Variants in TSC22D1 observed in about 807,000 individuals in gnomAD.
TSC22D1 encodes the protein TSC22 domain family protein 1.
Under a neutral mutation model 74.2 loss-of-function variants are expected in TSC22D1, and 9 were observed. The ratio of observed to expected loss-of-function variants is 0.12; its 90% CI spans 0.07 to 0.21. TSC22D1 has a LOEUF of 0.21. Ranked by LOEUF, TSC22D1 falls within the 10% of genes least tolerant of loss-of-function variation. TSC22D1 has a pLI of 1.00. For synonymous variants in TSC22D1, 586 were observed against 492.5 expected (o/e 1.19, Z -2.51); for missense variants, 1,427 against 1,304.7 (o/e 1.09, Z -1.44).
rs34720179 is a variant in TSC22D1, at chr13:44,445,328, C to CAA, written c.2913-9235_2913-9234dup. On this transcript the variant is annotated intron_variant, in intron 1 of 2. Coordinates refer to ENST00000458659, the MANE Select transcript of TSC22D1 (RefSeq NM_183422.4). ...TCAGCAAATGGTACTGGAACAACTG[C>CAA]AAAAAAAAAAAATACAACTGATCCA... 8.0e-3 allele frequency among the ~76,000 whole-genome samples: 1,138 copies of CAA among 141,792 alleles called. 6 individuals are homozygous for CAA. Among genetic ancestry groups the CAA allele is most frequent in the Non-Finnish European group, 0.011 (693 of 65,322 alleles). The allele number at this position is 141,792 out of a possible 152,430, so 93.0% of individuals were successfully genotyped here. A position where few individuals can be genotyped will look rare whatever the true frequency, so the allele number is the denominator to read the frequency against.
At chr13:44,553,045 T>C (rs1454107424) in intron 1 of TSC22D1, among the ~76,000 whole-genome samples, 1 of 152,174 alleles carries the variant, frequency 6.6e-6, no homozygotes, top group Non-Finnish European at 1.5e-5. Context: ...AAGGGAACTG[T>C]TACAGCAGAA....
At chr13:44,567,000 CAACTGTCCCTCCCTAATCCCAAGAAAA>C (rs2138221932) in intron 1 of TSC22D1, among the ~76,000 whole-genome samples, 1 of 152,194 alleles carries the variant, frequency 6.6e-6, no homozygotes, top group Non-Finnish European at 1.5e-5. Context: ...TACAGATTCC[CAACTGTCCCTCCCTAATCCCAAGAAAA>C]AAAAAGGAAT....
chr13:44,455,726 A>C (rs539720894), intron 1 of TSC22D1, among the ~76,000 whole-genome samples: 1 of 152,240 alleles, frequency 6.6e-6, no homozygotes, highest in South Asian at 2.1e-4. Flanking sequence ...TCGCATAGGG[A>C]ATCTATTACA....
intron 1 of TSC22D1, among the ~76,000 whole-genome samples, chr13:44,567,430 A>G (rs1883450472): frequency 6.6e-6 from 1 of 152,172 alleles, no homozygotes; most frequent in Admixed American, 6.6e-5. Context: ...AGGAAAGGCT[A>G]TAAGATGAAA....
chr13:44,470,633 G>C (rs1000964317), intron 1 of TSC22D1, among the ~76,000 whole-genome samples: 2 of 152,024 alleles, frequency 1.3e-5, no homozygotes. Context: ...AAATTTTAAG[G>C]CCTCATAGTT....
At chr13:44,475,126 T>A (rs1221849571) in intron 1 of TSC22D1, among the ~76,000 whole-genome samples, 2 of 152,004 alleles carry the variant, frequency 1.3e-5, no homozygotes, top group African/African-American at 4.8e-5. Context: ...AAAAGCAGAA[T>A]GGTATTAATT....
intron 1 of TSC22D1, among the ~76,000 whole-genome samples, chr13:44,531,165 T>C (rs1210976961): frequency 6.6e-6 from 1 of 152,152 alleles, no homozygotes; most frequent in Non-Finnish European, 1.5e-5. Flanking sequence ...TTATAACAAA[T>C]ATAACACACT....
intron 1 of TSC22D1, among the ~76,000 whole-genome samples, chr13:44,549,333 T>C (rs1020736264): frequency 6.6e-5 from 10 of 152,230 alleles, no homozygotes; most frequent in African/African-American, 2.4e-4. Flanking sequence ...AGAACACATC[T>C]ACTTACAAAT....
At chr13:44,572,282 G>C (rs1883821009) in intron 1 of TSC22D1, among the ~76,000 whole-genome samples, 2 of 152,070 alleles carry the variant, frequency 1.3e-5, no homozygotes, top group Admixed American at 1.3e-4. Context: ...AAGCGTTACT[G>C]GCATATTATT....
At chr13:44,534,075 A>G (rs1037635214) in intron 1 of TSC22D1, among the ~76,000 whole-genome samples, 4 of 151,986 alleles carry the variant, frequency 2.6e-5, no homozygotes, top group African/African-American at 9.7e-5. Context: ...AAAACATACA[A>G]AAATTAGCTG....
chr13:44,471,144 T>A (rs1231612736), intron 1 of TSC22D1, among the ~76,000 whole-genome samples: 1 of 152,186 alleles, frequency 6.6e-6, no homozygotes, highest in African/African-American at 2.4e-5. Context: ...ATCTACAAAA[T>A]ACAATCCTGC....
At position 44,546,749 on chromosome 13, in the gene TSC22D1, C is replaced by CGTGTGTGTGTGTGTGTGTGTGTGTGT. The variant is rs58111185; in HGVS notation, c.2912+26388_2912+26413dup. On this transcript the variant is annotated intron_variant, in intron 1 of 2. Transcript: ENST00000458659. ...GTATATGGGAATTCTGTGTGAAATA[C>CGTGTGTGTGTGTGTGTGTGTGTGTGT]GTGTGTGTGTGTGTGTGTGTGTGTG... 7.1e-3 allele frequency among the ~76,000 whole-genome samples: 1,035 copies of CGTGTGTGTGTGTGTGTGTGTGTGTGT among 146,682 alleles called. 10 individuals are homozygous for CGTGTGTGTGTGTGTGTGTGTGTGTGT. Among genetic ancestry groups the CGTGTGTGTGTGTGTGTGTGTGTGTGT allele is most frequent in the Non-Finnish European group, 0.01 (680 of 66,214 alleles).
intron 1 of TSC22D1, among the ~76,000 whole-genome samples, chr13:44,467,775 G>C (rs1163533648): frequency 2.6e-5 from 4 of 152,088 alleles, no homozygotes; most frequent in Non-Finnish European, 5.9e-5. Context: ...CAGTGAAAAG[G>C]GAACATTTAT....
intron 1 of TSC22D1, among the ~76,000 whole-genome samples, chr13:44,466,210 G>A (rs1270099777): frequency 6.6e-6 from 1 of 152,170 alleles, no homozygotes; most frequent in Non-Finnish European, 1.5e-5. Context: ...CGATCCTCAA[G>A]AAGCTAGGGA....
chr13:44,546,822 G>A (rs553606498), intron 1 of TSC22D1, among the ~76,000 whole-genome samples: 106 of 151,164 alleles, frequency 7.0e-4, no homozygotes, highest in Non-Finnish European at 1.3e-3. Flanking sequence ...GCCCAGGCTA[G>A]GATGCGCTGA....
intron 1 of TSC22D1, chr13:44,437,004 T>C: frequency 1.2e-6 from 1 of 859,122 alleles, no homozygotes; most frequent in East Asian, 1.4e-4. Context: ...TCCGCCCCCA[T>C]TCTCCAGATC....
At chr13:44,443,322 C>G (rs1374537186) in intron 1 of TSC22D1, among the ~76,000 whole-genome samples, 1 of 150,254 alleles carries the variant, frequency 6.7e-6, no homozygotes, top group Non-Finnish European at 1.5e-5. Flanking sequence ...AAAAAAAAAC[C>G]TGTCAATCTG....
At chr13:44,550,390 TG>T (rs1310361419) in intron 1 of TSC22D1, among the ~76,000 whole-genome samples, 1 of 152,056 alleles carries the variant, frequency 6.6e-6, no homozygotes, top group Non-Finnish European at 1.5e-5. Context: ...GAGACCAGCC[TG>T]ACTAACATGG....
chr13:44,522,005 C>T (rs1880339516), intron 1 of TSC22D1, among the ~76,000 whole-genome samples: 1 of 152,120 alleles, frequency 6.6e-6, no homozygotes, highest in South Asian at 2.1e-4. Context: ...GGAAGTCAGA[C>T]AATAAATAGA....
Sources: allele counts gnomAD v4.1 joint callset (sites outside exome capture counted in the v4.1 genomes callset), GRCh38; gene constraint gnomAD v4.1.1; transcripts MANE v1.5; gene names NCBI Gene and HGNC (gene_info 2026-07-23, HGNC 2026-07-21).